Variants in HS3ST2 observed in about 807,000 individuals in gnomAD.
The protein encoded by HS3ST2 is heparan sulfate-glucosamine 3-sulfotransferase 2.
In HS3ST2, 17 loss-of-function variants were observed where a neutral mutation model predicts 26.3. The ratio of observed to expected loss-of-function variants is 0.65; its 90% CI spans 0.44 to 0.97. HS3ST2 has a LOEUF of 0.97. Among genes scored for constraint, HS3ST2 ranks in the 50% least tolerant of loss-of-function variants. The pLI, the probability that HS3ST2 is intolerant of heterozygous loss-of-function variation, is 0.00. For synonymous variants in HS3ST2, 237 were observed against 219.2 expected (o/e 1.08, Z -0.72); for missense variants, 402 against 501.2 (o/e 0.80, Z 1.89).
intron 1 of HS3ST2, among the ~76,000 whole-genome samples, chr16:22,845,102 C>T (rs1901412964): frequency 6.8e-6 from 1 of 148,146 alleles, no homozygotes; most frequent in Admixed American, 6.6e-5. Context: ...GATCCGCCTG[C>T]CTCGGCCTCC....
At position 22,871,680 on chromosome 16, in the gene HS3ST2, C is replaced by G. The variant is rs184813961; in HGVS notation, c.486-43264C>G. 8.8e-4 allele frequency among the ~76,000 whole-genome samples: 134 copies of G among 152,262 alleles called. 3 individuals are homozygous for G. The East Asian group carries it at 0.022, about 25-fold the overall frequency. ...CTCTAGGCTCGGGAACAGTACCTAGCACATAGTAGATGCTCAATAAATATT... is the reference window on the plus strand; with the variant it reads ...CTCTAGGCTCGGGAACAGTACCTAGGACATAGTAGATGCTCAATAAATATT... On this transcript the variant is annotated intron_variant, in intron 1 of 1. Coordinates refer to ENST00000261374, the MANE Select transcript of HS3ST2 (RefSeq NM_006043.2).
intron 1 of HS3ST2, 76 bp from the exon 2 acceptor site, chr16:22,914,867 GA>G: frequency 6.8e-7 from 1 of 1,469,590 alleles, no homozygotes; most frequent in Non-Finnish European, 9.1e-7. Flanking sequence ...CCCCTGGGTG[GA>G]AGGGCTGATG....
At chr16:22,845,941 G>A (rs777971799) in intron 1 of HS3ST2, among the ~76,000 whole-genome samples, 2 of 152,178 alleles carry the variant, frequency 1.3e-5, no homozygotes, top group Non-Finnish European at 2.9e-5. Flanking sequence ...ACTGGTTGCA[G>A]CATTAAGCCA....
At chr16:22,850,615 C>T (rs1596613955) in intron 1 of HS3ST2, among the ~76,000 whole-genome samples, 1 of 151,968 alleles carries the variant, frequency 6.6e-6, no homozygotes, top group Non-Finnish European at 1.5e-5. Flanking sequence ...GGTGAAACCC[C>T]GTCTCTACTA....
At chr16:22,911,769 T>C (rs550101024) in intron 1 of HS3ST2, among the ~76,000 whole-genome samples, 2 of 152,358 alleles carry the variant, frequency 1.3e-5, no homozygotes, top group South Asian at 4.1e-4. Flanking sequence ...TGATCTCATA[T>C]GCAAGTCCTT....
At chr16:22,896,355 CTCGGATGTGGGTTTTATT>C in intron 1 of HS3ST2, among the ~76,000 whole-genome samples, 1 of 152,316 alleles carries the variant, frequency 6.6e-6, no homozygotes, top group South Asian at 2.1e-4. Flanking sequence ...CACGTTAGCT[CTCGGATGTGGGTTTTATT>C]TCGTTCAGAC....
chr16:22,844,851 TTTTC>T (rs756272259), intron 1 of HS3ST2, among the ~76,000 whole-genome samples: 1 of 151,890 alleles, frequency 6.6e-6, no homozygotes, highest in Non-Finnish European at 1.5e-5. Flanking sequence ...ACCTCTTTTC[TTTTC>T]TTTCTTTTTT....
intron 1 of HS3ST2, among the ~76,000 whole-genome samples, chr16:22,870,269 A>G (rs181544740): frequency 1.9e-4 from 29 of 152,028 alleles, no homozygotes; most frequent in Non-Finnish European, 1.5e-5. Context: ...ATGCCTAATA[A>G]CCTGTGGGGG....
chr16:22,870,142 T>C (rs1290727531), intron 1 of HS3ST2, among the ~76,000 whole-genome samples: 1 of 152,130 alleles, frequency 6.6e-6, no homozygotes, highest in Non-Finnish European at 1.5e-5. Flanking sequence ...AATTTGAACT[T>C]GGGCCACTTG....
chr16:22,814,218 C>G lies in HS3ST2; in HGVS notation c.-393C>G, dbSNP rs1407181744. On this transcript the variant is annotated 5_prime_UTR_variant, in exon 1 of 2. Transcript: ENST00000261374. ...CGCCAGCGCCACCGTCCGGTCCACC[C>G]GCCAGCCCGCACAGCCGCGCCGCCG... 5.4e-6 allele frequency: 1 copy of G among 183,500 alleles called. No individual in the cohort carries two copies. The highest frequency in any genetic ancestry group is 6.2e-5 in the Admixed American group (1 of 16,070). The allele number at this position is 183,500 out of a possible 1,614,324, so 11.4% of individuals were successfully genotyped here.
At chr16:22,865,821 A>C (rs1305532871) in intron 1 of HS3ST2, among the ~76,000 whole-genome samples, 1 of 152,122 alleles carries the variant, frequency 6.6e-6, no homozygotes, top group Non-Finnish European at 1.5e-5. Flanking sequence ...AGGTGGGGGG[A>C]AAATGTGTAG....
intron 1 of HS3ST2, among the ~76,000 whole-genome samples, chr16:22,868,334 G>A (rs1012029086): frequency 1.3e-5 from 2 of 149,454 alleles, no homozygotes; most frequent in African/African-American, 4.9e-5. Context: ...GCTTGAACCC[G>A]GGAAGCGGAG....
intron 1 of HS3ST2, among the ~76,000 whole-genome samples, chr16:22,908,452 A>G (rs1257637110): frequency 6.6e-6 from 1 of 152,116 alleles, no homozygotes; most frequent in Non-Finnish European, 1.5e-5. Context: ...ATAACAGATT[A>G]CCTGAAACTG....
chr16:22,884,653 G>T (rs1902034775), intron 1 of HS3ST2, among the ~76,000 whole-genome samples: 1 of 140,500 alleles, frequency 7.1e-6, no homozygotes. Context: ...GCAAAATAGA[G>T]AAAAAAATAT....
At chr16:22,842,062 C>CTTTTTTTTTTTT (rs11285807) in intron 1 of HS3ST2, among the ~76,000 whole-genome samples, 2 of 111,792 alleles carry the variant, frequency 1.8e-5, no homozygotes, top group Non-Finnish European at 1.8e-5. Context: ...TCTTTTCTTT[C>CTTTTTTTTTTTT]TTTTTTTTTT....
intron 1 of HS3ST2, among the ~76,000 whole-genome samples, chr16:22,848,801 A>T (rs1901481133): frequency 6.6e-6 from 1 of 152,136 alleles, no homozygotes; most frequent in African/African-American, 2.4e-5. Flanking sequence ...AGGCTCTATG[A>T]TTATCCCCAT....
At chr16:22,833,415 C>T in intron 1 of HS3ST2, 1 of 435,222 alleles carries the variant, frequency 2.3e-6, no homozygotes, top group Non-Finnish European at 4.7e-6. Context: ...AGCAATGACC[C>T]AGGAGCACGT....
intron 1 of HS3ST2, among the ~76,000 whole-genome samples, chr16:22,885,013 T>G (rs991165505): frequency 5.3e-5 from 8 of 151,586 alleles, no homozygotes; most frequent in Admixed American, 5.3e-4. Flanking sequence ...GCTAATTTTT[T>G]TATTTTTAGT....
chr16:22,830,034 T>C (rs938900542), intron 1 of HS3ST2, among the ~76,000 whole-genome samples: 4 of 151,994 alleles, frequency 2.6e-5, no homozygotes, highest in Admixed American at 1.3e-4. Flanking sequence ...AGAAACCCAT[T>C]TGGTTATAGA....
Sources: gnomAD v4.1 joint callset for allele counts (sites outside exome capture counted in the v4.1 genomes callset) on GRCh38, gnomAD v4.1.1 for gene constraint, MANE v1.5 for transcripts, NCBI Gene and HGNC (gene_info 2026-07-23, HGNC 2026-07-21) for gene names.